Variants in B3GAT3 observed in about 807,000 individuals in gnomAD.
The protein encoded by B3GAT3 is galactosylgalactosylxylosylprotein 3-beta-glucuronosyltransferase 3.
B3GAT3 carries 19 observed loss-of-function variants against 33.1 expected under a neutral mutation model. That is an observed-to-expected ratio of 0.57 (90% CI 0.40 to 0.84). B3GAT3 has a LOEUF of 0.84. B3GAT3 is among the 40% of genes least tolerant of loss of function. B3GAT3 has a pLI of 0.00. For synonymous variants in B3GAT3, 167 were observed against 193.5 expected, an observed-to-expected ratio of 0.86 and a Z score of 1.14; for missense variants, 344 against 441.5, an observed-to-expected ratio of 0.78 and a Z score of 1.98.
chr11:62,620,578 C>T lies in B3GAT3; in HGVS notation c.176G>A (p.Arg59Gln), dbSNP rs764609129. 81 of 1,612,298 alleles carry T rather than the reference C, an allele frequency of 5.0e-5. No homozygotes were observed. The highest frequency in any genetic ancestry group is 1.2e-4 in the Admixed American group (7 of 59,760). The stretch of plus-strand genomic sequence containing the variant: ...CTGGGCAGGGGCAGGGGGTGGCCGT[C>T]GGAGTTCCGCTTGCAGCTGGGAAAT... The part of the protein sequence containing the change: ...LRISQLQAEL[R>Q]RPPPAPAQPP... Residue 59 changes from arginine to glutamine, a missense_variant, in exon 2 of 5, where the codon CGA becomes CAA. By Grantham distance (43) the Arg-to-Gln change is conservative. Coordinates refer to ENST00000265471, the MANE Select transcript of B3GAT3 (RefSeq NM_012200.4).
At chr11:62,616,108 G>T in intron 4 of B3GAT3, 1 of 667,792 alleles carries the variant, frequency 1.5e-6, no homozygotes, top group Non-Finnish European at 2.3e-6. Context: ...GCCGGGCGTG[G>T]TAGCGGGTGC....
chr11:62,619,337 T>C (rs1224585942), intron 2 of B3GAT3, among the ~76,000 whole-genome samples: 1 of 152,126 alleles, frequency 6.6e-6, no homozygotes, highest in Non-Finnish European at 1.5e-5. Context: ...AGCCATCTGA[T>C]TCCCAGAAGA....
In B3GAT3 at chr11:62,616,709, C is replaced by T. The variant is rs1175265534; in HGVS notation, c.706G>A (p.Val236Ile). Residue 236 changes from valine (V) to isoleucine (I), a missense_variant, in exon 4 of 5, where the codon GTA (valine) becomes ATA (isoleucine). Val to Ile is a conservative substitution (Grantham distance 29). Coordinates refer to ENST00000265471, the MANE Select transcript of B3GAT3 (RefSeq NM_012200.4). ...FEGPQVQDGRVVGFHTAWEPS... is the reference protein window; with the variant it reads ...FEGPQVQDGRIVGFHTAWEPS... ...TCCCATGCTGTGTGGAAGCCCACTA[C>T]CCGGCCGTCCTGTACCTGAGGGCCC... 1.9e-6 allele frequency: 3 copies of T among 1,614,020 alleles called. No homozygotes were observed. The African/African-American group carries it at 4.0e-5, about 22-fold the overall frequency.
intron 2 of B3GAT3, among the ~76,000 whole-genome samples, chr11:62,620,148 C>T (rs1298032963): frequency 3.9e-5 from 6 of 152,176 alleles, no homozygotes; most frequent in African/African-American, 1.4e-4. Context: ...CTCAGCCTCC[C>T]CAGTAGCTGG....
chr11:62,620,620 C>A lies in B3GAT3; in HGVS notation c.134G>T (p.Arg45Leu), dbSNP rs139875377. 1.2e-5 allele frequency: 20 copies of A among 1,612,456 alleles called. No homozygotes were observed. Among genetic ancestry groups the A allele is most frequent in the African/African-American group, 1.3e-5 (1 of 74,896 alleles). ...CTGGGAAATCCTCAGATCCTTCTGC[C>A]GTAGCTGCTCGGCTGCTGCCCGCAG... The part of the protein sequence containing the change: ...PPLRAAAEQL[R>L]QKDLRISQLQ... Residue 45 changes from arginine (R) to leucine (L), a missense_variant, in exon 2 of 5, where the codon CGG becomes CTG. Arg to Leu is a moderately radical substitution (Grantham distance 102). Transcript: ENST00000265471.
intron 1 of B3GAT3, chr11:62,621,153 C>A (rs1943136487): frequency 4.4e-6 from 2 of 457,484 alleles, no homozygotes; most frequent in African/African-American, 2.0e-5. Flanking sequence ...TTGTTAAATT[C>A]ATTGATTCCA....
intron 1 of B3GAT3, chr11:62,621,074 A>ACTGTCC (rs1439578684): frequency 4.3e-6 from 2 of 468,350 alleles, no homozygotes; most frequent in East Asian, 6.7e-5. Flanking sequence ...ACGCAGTGGC[A>ACTGTCC]CTGTCCCTAA....
chr11:62,618,102 G>A (rs552742858), intron 2 of B3GAT3, among the ~76,000 whole-genome samples: 6 of 150,678 alleles, frequency 4.0e-5, no homozygotes, highest in Non-Finnish European at 5.9e-5. Context: ...GCTTGAACCC[G>A]GGAGGCGAAG....
intron 2 of B3GAT3, among the ~76,000 whole-genome samples, chr11:62,618,323 A>C (rs960052569): frequency 1.3e-5 from 2 of 152,126 alleles, no homozygotes; most frequent in Non-Finnish European, 2.9e-5. Context: ...CAGTTTCCTC[A>C]ACTGTAAAAT....
intron 2 of B3GAT3, among the ~76,000 whole-genome samples, chr11:62,618,628 C>T (rs1302215017): frequency 3.4e-5 from 5 of 149,060 alleles, no homozygotes; most frequent in African/African-American, 5.0e-5. Flanking sequence ...CGCCATTGCA[C>T]CCAGCCTAGA....
At chr11:62,621,722 G>C in intron 1 of B3GAT3, 144 bp downstream of exon 1, 2 of 867,032 alleles carry the variant, frequency 2.3e-6, no homozygotes, top group Non-Finnish European at 3.5e-6. Flanking sequence ...GCGTTCTATA[G>C]AGGGCAGTGC....
chr11:62,615,920 G>T, intron 4 of B3GAT3, 121 bp from the exon 5 acceptor site: 1 of 1,531,346 alleles, frequency 6.5e-7, no homozygotes, highest in Non-Finnish European at 8.8e-7. Flanking sequence ...AAAGTGTAAA[G>T]GGCAGGGTGG....
intron 1 of B3GAT3, 69 bp from the exon 2 acceptor site, chr11:62,620,740 A>G: frequency 1.4e-6 from 2 of 1,468,334 alleles, no homozygotes; most frequent in Non-Finnish European, 1.9e-6. Context: ...CAGCATCCCA[A>G]AGGGCCGTAA....
In B3GAT3 at chr11:62,620,650, G is replaced by A. The variant is rs762438326; in HGVS notation, c.104C>T (p.Pro35Leu). The change falls in exon 2 of 5, where the codon CCT becomes CTT. Residue 35 changes from proline to leucine, a missense_variant. By Grantham distance (98) the Pro-to-Leu change is moderately conservative (BLOSUM62 -3). Transcript: ENST00000265471. ...CTGCTCGGCTGCTGCCCGCAGGGGA[G>A]GAAGGCAGTCACATGGCTGGCCTGG... ...VQLGQPCDCLPPLRAAAEQLR... is the reference protein window; with the variant it reads ...VQLGQPCDCLLPLRAAAEQLR... The A allele has an allele frequency of 1.6e-5, 26 of 1,611,814 alleles. No individual in the cohort carries two copies. The highest frequency in any genetic ancestry group is 2.1e-5 in the Non-Finnish European group (25 of 1,178,550).
chr11:62,617,012 G>C lies in B3GAT3; in HGVS notation c.593C>G (p.Thr198Ser), dbSNP rs753781915. 2 of 1,614,240 alleles carry C rather than the reference G, an allele frequency of 1.2e-6. No individual in the cohort carries two copies. Among genetic ancestry groups the C allele is most frequent in the Non-Finnish European group, 1.7e-6 (2 of 1,180,044 alleles). The change falls in exon 3 of 5, where the codon ACC becomes AGC. Residue 198 changes from threonine to serine, a missense_variant. Transcript: ENST00000265471. ...CTCCTCAAACAGCTCCCGGCTGTAG[G>C]TGTTGTCATCGTCAGCAAAGTAGAC... is the stretch of plus-strand genomic sequence containing the variant. Reference protein sequence around the residue: ...GVVYFADDDNTYSRELFEEMR... With the variant: ...GVVYFADDDNSYSRELFEEMR...
At chr11:62,621,235 A>C in intron 1 of B3GAT3, 1 of 456,688 alleles carries the variant, frequency 2.2e-6, no homozygotes, top group Non-Finnish European at 4.4e-6. Context: ...ACAGCAGGGA[A>C]CAAAACAGAC....
chr11:62,617,404 G>A, intron 2 of B3GAT3, 57 bp from the exon 3 acceptor site: 2 of 1,600,850 alleles, frequency 1.2e-6, no homozygotes, highest in Non-Finnish European at 1.7e-6. Context: ...GCCTGCTCCA[G>A]CCAGGGCAGA....
chr11:62,620,747 G>A (rs1943130650), intron 1 of B3GAT3, 76 bp from the exon 2 acceptor site: 12 of 1,407,624 alleles, frequency 8.5e-6, no homozygotes, highest in South Asian at 6.2e-5. Context: ...CCAAAGGGCC[G>A]TAATCGTCTC....
chr11:62,621,205 C>T (rs1215820011), intron 1 of B3GAT3: 2 of 456,208 alleles, frequency 4.4e-6, no homozygotes, highest in Non-Finnish European at 8.8e-6. Flanking sequence ...CTAGGAGGCA[C>T]TGCCTTAGGT....
Sources: gnomAD v4.1 joint callset for allele counts (sites outside exome capture counted in the v4.1 genomes callset) on GRCh38, gnomAD v4.1.1 for gene constraint, MANE v1.5 for transcripts, NCBI Gene and HGNC (gene_info 2026-07-23, HGNC 2026-07-21) for gene names.